The following ZNF717 variants were observed in gnomAD, a reference collection of about 807,000 sequenced individuals.
ZNF717 encodes krueppel-like factor X17.
ZNF717 carries 9 observed loss-of-function variants against 13.8 expected under a neutral mutation model. The observed-to-expected ratio is 0.65, with a 90% CI of 0.39 to 1.14. ZNF717 has a LOEUF of 1.14. Among genes scored for constraint, ZNF717 ranks in the 50% most tolerant of loss-of-function variants. The pLI is 0.01. For missense variants in ZNF717, 1,040 were observed against 1,080.7 expected (o/e 0.96, Z 0.53); for synonymous variants, 327 against 364.1 (o/e 0.90, Z 1.16).
chr3:75,760,425 T>C (rs1253581619), intron 2 of ZNF717, among the ~76,000 whole-genome samples: 2 of 152,376 alleles, frequency 1.3e-5, no homozygotes, highest in East Asian at 3.9e-4. Context: ...TCATTATGTG[T>C]TTCATTAATC....
At chr3:75,694,849 A>AGACGTACC (rs1937588484) in intron 6 of ZNF717, among the ~76,000 whole-genome samples, 1 of 152,236 alleles carries the variant, frequency 6.6e-6, no homozygotes, top group Non-Finnish European at 1.5e-5. Context: ...ACAGACGTAC[A>AGACGTACC]AAAAGTAAAA....
At chr3:75,739,464 A>C in intron 4 of ZNF717, 119 bp from the exon 5 acceptor site, 4 of 591,930 alleles carry the variant, frequency 6.8e-6, no homozygotes, top group Non-Finnish European at 1.1e-5. Flanking sequence ...AAAAATAAAT[A>C]TGGGTATTGG....
chr3:75,784,101 A>AC (rs774060989), intron 1 of ZNF717, among the ~76,000 whole-genome samples: 56 of 152,306 alleles, frequency 3.7e-4, no homozygotes, highest in Non-Finnish European at 6.6e-4. Flanking sequence ...TGGTGGAGAC[A>AC]CAGGGCCTAG....
intron 4 of ZNF717, among the ~76,000 whole-genome samples, chr3:75,722,376 G>A (rs1375777293): frequency 6.6e-6 from 1 of 152,142 alleles, no homozygotes; most frequent in African/African-American, 2.4e-5. Flanking sequence ...TTACATTTTT[G>A]CAAAATGTCT....
Position 75,779,504 on chromosome 3 carries a change from C to T in ZNF717, c.57+3802G>A, listed in dbSNP as rs190667905. ...TAGAAACCCAAAACAATGGGAGTGA[C>T]GTGCAAAAACCAGAACCCAAAACAA... On this transcript the variant is annotated intron_variant, in intron 2 of 4. Coordinates refer to ENST00000652011, the MANE Select transcript of ZNF717 (RefSeq NM_001290208.3). Among the ~76,000 whole-genome samples, 38 of 145,508 alleles carry T rather than the reference C, an allele frequency of 2.6e-4. No homozygotes were observed. The East Asian group carries it at 3.8e-3, about 15-fold the overall frequency.
At chr3:75,775,547 G>T (rs1944244184) in intron 2 of ZNF717, among the ~76,000 whole-genome samples, 1 of 152,138 alleles carries the variant, frequency 6.6e-6, no homozygotes, top group Admixed American at 6.6e-5. Flanking sequence ...CCAAGAATTG[G>T]ACTGGTTAAG....
At chr3:75,784,104 G>A (rs982659272) in intron 1 of ZNF717, among the ~76,000 whole-genome samples, 3 of 152,164 alleles carry the variant, frequency 2.0e-5, no homozygotes, top group African/African-American at 7.2e-5. Flanking sequence ...TGGAGACACA[G>A]GGCCTAGCCA....
At chr3:75,733,082 A>T (rs1248165816), downstream of ZNF717, among the ~76,000 whole-genome samples, 1 of 152,180 alleles carries the variant, frequency 6.6e-6, no homozygotes, top group Non-Finnish European at 1.5e-5. Context: ...ACTGCAAAAG[A>T]CCTGAAGAAT....
In ZNF717 at chr3:75,756,298, C is replaced by T. The variant is rs1186897546; in HGVS notation, c.58-14562G>A. On this transcript the variant is annotated intron_variant, in intron 2 of 4. Transcript: ENST00000652011. ...ACCAACGGGCCATTTCTCTTTCTCT[C>T]TTTTTCTCAGGCTTCTTTTTATTAA... 6.6e-5 allele frequency among the ~76,000 whole-genome samples: 10 copies of T among 152,342 alleles called. No individual in the cohort carries two copies. In the East Asian group the frequency reaches 1.7e-3, roughly 26 times the overall value.
chr3:75,737,930 A>C lies in ZNF717; in HGVS notation c.1693T>G (p.Cys565Gly). ...RTHTGEKPYE[C>G]NECGKSFHCK... The stretch of plus-strand genomic sequence containing the variant: ...TGAAAGGATTTTCCACATTCATTAC[A>C]TTCATAGGGTTTTTCCCCTGTGTGA... Residue 565 changes from cysteine to glycine, a missense_variant, in exon 5 of 5, where the codon TGT becomes GGT. By Grantham distance (159) the Cys-to-Gly change is radical. This residue lies in a region of ZNF717 where 873 missense variants were observed against 832.8 expected (regional missense o/e 1.05). Transcript: ENST00000652011. 2 of 1,551,018 alleles carry C rather than the reference A, an allele frequency of 1.3e-6. No individual in the cohort carries two copies. Among genetic ancestry groups the C allele is most frequent in the South Asian group, 2.4e-5 (2 of 84,140 alleles).
rs1937598931 is a variant in ZNF717, at chr3:75,696,005, A to G, written n.1085+15182T>C. Among the ~76,000 whole-genome samples, 3 of 152,276 alleles carry G rather than the reference A, an allele frequency of 2.0e-5. No individual in the cohort carries two copies. The South Asian group carries it at 6.2e-4, about 31-fold the overall frequency. The stretch of plus-strand genomic sequence containing the variant: ...AAATAAAGTTAAAATGAAGAAAACA[A>G]TGCAAAAGACTAATAAACAAAAAGT... On this transcript the variant is annotated intron_variant and non_coding_transcript_variant, in intron 6 of 6. Coordinates refer to the ZNF717 transcript ENST00000648506.
chr3:75,696,401 C>G (rs1211026936), intron 6 of ZNF717, among the ~76,000 whole-genome samples: 38 of 151,466 alleles, frequency 2.5e-4, no homozygotes, highest in Middle Eastern at 3.4e-3. Flanking sequence ...ACCCTGATAT[C>G]AAAACCAGAC....
intron 2 of ZNF717, among the ~76,000 whole-genome samples, chr3:75,753,979 T>A (rs142836246): frequency 1.3e-5 from 2 of 151,868 alleles, no homozygotes; most frequent in Admixed American, 1.3e-4. Flanking sequence ...CTGAATGTTT[T>A]TCCCGCACAC....
chr3:75,729,926 G>C (rs1938424537), downstream of ZNF717: 1 of 152,224 alleles, frequency 6.6e-6, no homozygotes, highest in African/African-American at 2.4e-5. Flanking sequence ...AAATAGTTGT[G>C]TTGTTTAGGA....
chr3:75,759,195 A>G (rs1202653178), intron 2 of ZNF717, among the ~76,000 whole-genome samples: 1 of 152,056 alleles, frequency 6.6e-6, no homozygotes, highest in Non-Finnish European at 1.5e-5. Context: ...AAACCCACAT[A>G]TATCTCTGAT....
At chr3:75,764,367 C>T (rs184761504) in intron 2 of ZNF717, among the ~76,000 whole-genome samples, 26 of 152,274 alleles carry the variant, frequency 1.7e-4, no homozygotes, top group Admixed American at 1.0e-3. Flanking sequence ...GATTCTCATT[C>T]GGAATCTAAA....
intron 2 of ZNF717, among the ~76,000 whole-genome samples, chr3:75,752,628 G>C (rs1353239969): frequency 3.0e-5 from 4 of 131,242 alleles, no homozygotes; most frequent in Non-Finnish European, 5.0e-5. Flanking sequence ...ACTCTGCTGT[G>C]GTCTTAATGT....
chr3:75,767,496 A>T (rs1459292124), intron 2 of ZNF717, among the ~76,000 whole-genome samples: 1 of 152,274 alleles, frequency 6.6e-6, no homozygotes, highest in African/African-American at 2.4e-5. Flanking sequence ...AACATGTGCC[A>T]CAACTGTGAG....
At chr3:75,780,092 T>A (rs1284110174) in intron 2 of ZNF717, among the ~76,000 whole-genome samples, 1 of 143,380 alleles carries the variant, frequency 7.0e-6, no homozygotes, top group East Asian at 2.1e-4. Context: ...ACAATGGGAG[T>A]GACGTGCTAA....
Sources: gnomAD v4.1 joint callset for allele counts (sites outside exome capture counted in the v4.1 genomes callset) on GRCh38, gnomAD v4.1.1 for gene constraint, gnomAD v4.1.1 regional missense constraint, MANE v1.5 for transcripts, NCBI Gene and HGNC (gene_info 2026-07-23, HGNC 2026-07-21) for gene names.